Variants in HBP1 observed in about 807,000 individuals in gnomAD.
HBP1 encodes HMG-box transcription factor 1, also known as HMG box-containing protein 1.
HBP1 carries 20 observed loss-of-function variants against 62.6 expected under a neutral mutation model. The ratio of observed to expected loss-of-function variants is 0.32; its 90% CI spans 0.22 to 0.46. The LOEUF is 0.46. Among genes scored for constraint, HBP1 ranks in the 20% least tolerant of loss-of-function variants. The probability of loss-of-function intolerance (pLI) is 1.00; values close to 1 mark genes in which losing one functional copy is unlikely to be tolerated. For missense variants in HBP1, 480 were observed against 611.8 expected (o/e 0.78, Z 2.27); for synonymous variants, 232 against 206.2 (o/e 1.12, Z -1.07).
rs1396507703 is a variant in HBP1, at chr7:107,180,012, A to C, written c.119A>C (p.Asn40Thr). The change falls in exon 2 of 11, where the codon AAT becomes ACT. Residue 40 changes from asparagine (N) to threonine (T), a missense_variant. By Grantham distance (65) the Asn-to-Thr change is moderately conservative. Coordinates refer to ENST00000222574, the MANE Select transcript of HBP1 (RefSeq NM_012257.4). ...DSLELLQCNE[N>T]LPSSPGYNSC... ...TTGGAGTTGCTGCAGTGTAATGAGA[A>C]TTTGCCATCTTCACCTGGATATAAC... 5 of 1,609,110 alleles carry C rather than the reference A, an allele frequency of 3.1e-6. No individual in the cohort carries two copies. Among genetic ancestry groups the C allele is most frequent in the Non-Finnish European group, 4.3e-6 (5 of 1,175,994 alleles).
At chr7:107,171,410 G>T (rs1036221323) in intron 1 of HBP1, among the ~76,000 whole-genome samples, 11 of 151,770 alleles carry the variant, frequency 7.2e-5, no homozygotes, top group Non-Finnish European at 1.6e-4. Flanking sequence ...CTCACTAATC[G>T]AAGTGGCCAG....
intron 10 of HBP1, 47 bp from the exon 11 acceptor site, chr7:107,201,367 A>G (rs745768937): frequency 9.2e-6 from 11 of 1,198,678 alleles, no homozygotes; most frequent in Middle Eastern, 3.8e-4. Flanking sequence ...TAGGATTACT[A>G]TGTATTGATT....
At chr7:107,183,631 G>A (rs986563279) in intron 3 of HBP1, among the ~76,000 whole-genome samples, 1 of 151,308 alleles carries the variant, frequency 6.6e-6, no homozygotes, top group African/African-American at 2.4e-5. Context: ...AAAAAAACCT[G>A]ATTTAACTAT....
At chr7:107,175,316 C>T (rs909664862) in intron 1 of HBP1, among the ~76,000 whole-genome samples, 1 of 152,110 alleles carries the variant, frequency 6.6e-6, no homozygotes, top group Non-Finnish European at 1.5e-5. Flanking sequence ...GAGCATTTTA[C>T]ATGATCTCAC....
chr7:107,201,156 C>T, intron 10 of HBP1: 1 of 344,780 alleles, frequency 2.9e-6, no homozygotes, highest in Non-Finnish European at 5.3e-6. Context: ...TTTGGCAGTT[C>T]TTGGTTAATT....
rs117444817 is a variant in HBP1 at position 107,179,500 on chromosome 7, G to C, written c.-15-379G>C. The C allele has an allele frequency of 2.2e-3, 345 of 157,108 alleles. 2 individuals are homozygous for C. Among genetic ancestry groups the C allele is most frequent in the Non-Finnish European group, 3.4e-3 (240 of 70,620 alleles). The allele number at this position is 157,108 out of a possible 1,614,324, so 9.7% of individuals were successfully genotyped here. On this transcript the variant is annotated intron_variant, in intron 1 of 10. Transcript: ENST00000222574. ...AAAATCTAACACTGTGGCCGGGCGTGGTGGCTCACGCCTGTAATCCCAGCA... is the reference window on the plus strand; with the variant it reads ...AAAATCTAACACTGTGGCCGGGCGTCGTGGCTCACGCCTGTAATCCCAGCA...
At chr7:107,169,593 C>T in intron 1 of HBP1, 1 of 250,822 alleles carries the variant, frequency 4.0e-6, no homozygotes, top group Non-Finnish European at 6.3e-6. Context: ...CGGAGCTTGG[C>T]CAGGGGTGGG....
chr7:107,190,328 A>G lies in HBP1; in HGVS notation c.1067+11A>G, dbSNP rs199713771. The G allele has an allele frequency of 1.3e-6, 2 of 1,581,090 alleles. No homozygotes were observed. Among genetic ancestry groups the G allele is most frequent in the Non-Finnish European group, 1.7e-6 (2 of 1,156,170 alleles). ...TGATACATTTAAAAGGTAATATTGG[A>G]TTAATTCTTTGTTTTATTTTCCTCT... On this transcript the variant is annotated intron_variant, in intron 8 of 10. Coordinates refer to ENST00000222574, the MANE Select transcript of HBP1 (RefSeq NM_012257.4).
At chr7:107,181,298 C>G (rs1417345509) in intron 2 of HBP1, among the ~76,000 whole-genome samples, 24 of 152,014 alleles carry the variant, frequency 1.6e-4, no homozygotes, top group Admixed American at 1.6e-3. Flanking sequence ...GAGATATCAT[C>G]TCTACAAAAA....
chr7:107,171,073 A>ATATATATATTTTT lies in HBP1; in HGVS notation c.-16+1889_-16+1890insATATATATTTTTT. On this transcript the variant is annotated intron_variant, in intron 1 of 10. Transcript: ENST00000222574. ...TATATATATATATATATATATATAT[A>ATATATATATTTTT]TTTTTTTTTTTTTTTGAGAGGGAGT... Among the ~76,000 whole-genome samples the ATATATATATTTTT allele has an allele frequency of 5.7e-5, 5 of 87,200 alleles. 1 individual carries two copies. Among genetic ancestry groups the ATATATATATTTTT allele is most frequent in the Admixed American group, 2.9e-4 (2 of 6,854 alleles). 57.2% of individuals were successfully genotyped at this position (87,200 alleles called of 152,430 possible). A position where few individuals can be genotyped will look rare whatever the true frequency, so the allele number is the denominator to read the frequency against.
At chr7:107,196,348 A>C (rs1174067598) in intron 9 of HBP1, 197 bp downstream of exon 9, 5 of 597,104 alleles carry the variant, frequency 8.4e-6, no homozygotes, top group Middle Eastern at 4.2e-4. Flanking sequence ...AGCTCACTGC[A>C]ACCTCCGCCT....
At position 107,200,151 on chromosome 7, in the gene HBP1, A is replaced by G. The variant is rs1423330583; in HGVS notation, c.1386-9A>G. ...TGCTTTCAGCATTGTGTAAATATTT[A>G]TTTTACAGAGCCATAAGTGTGATCC... On this transcript the variant is annotated splice_polypyrimidine_tract_variant and intron_variant, in intron 9 of 10. Coordinates refer to ENST00000222574, the MANE Select transcript of HBP1 (RefSeq NM_012257.4). 1.3e-6 allele frequency: 2 copies of G among 1,564,896 alleles called. No homozygotes were observed. The highest frequency in any genetic ancestry group is 3.9e-5 in the Admixed American group (2 of 51,142).
In HBP1 at chr7:107,201,677, C is replaced by T; in HGVS notation, c.*246C>T. On this transcript the variant is annotated 3_prime_UTR_variant, in exon 11 of 11. Transcript: ENST00000222574. ...TTTTTCTTCCAAACTTCATATATGT[C>T]TATCAGGTAATAATAGGCTTGAAAA... 1 of 387,304 alleles carries T rather than the reference C, an allele frequency of 2.6e-6. No homozygotes were observed. Among genetic ancestry groups the T allele is most frequent in the Non-Finnish European group, 4.6e-6 (1 of 215,710 alleles). 24.0% of individuals were successfully genotyped at this position (387,304 alleles called of 1,614,324 possible).
intron 1 of HBP1, chr7:107,174,594 G>A (rs990925275): frequency 3.0e-6 from 3 of 985,468 alleles, no homozygotes; most frequent in African/African-American, 3.5e-5. Context: ...TGGAAAGAAT[G>A]AGGAAACCAA....
At chr7:107,186,971 G>C (rs1257454163) in intron 6 of HBP1, among the ~76,000 whole-genome samples, 1 of 152,178 alleles carries the variant, frequency 6.6e-6, no homozygotes, top group Non-Finnish European at 1.5e-5. Flanking sequence ...TATGTAATGA[G>C]GTCGGGCGCA....
At position 107,191,079 on chromosome 7, in the gene HBP1, G is replaced by C. The variant is rs1018572099; in HGVS notation, c.1067+762G>C. Among the ~76,000 whole-genome samples the C allele has an allele frequency of 2.2e-4, 34 of 152,268 alleles. 1 individual carries two copies. Among genetic ancestry groups the C allele is most frequent in the African/African-American group, 7.7e-4 (32 of 41,552 alleles). On this transcript the variant is annotated intron_variant, in intron 8 of 10. Coordinates refer to ENST00000222574, the MANE Select transcript of HBP1 (RefSeq NM_012257.4). ...ATTTAAAGACTCATTCTTTCTTTAAGATAATTATCAAATCCATAGGCATGT... is the reference window on the plus strand; with the variant it reads ...ATTTAAAGACTCATTCTTTCTTTAACATAATTATCAAATCCATAGGCATGT...
intron 7 of HBP1, chr7:107,189,766 TG>T (rs1256630444): frequency 4.2e-6 from 1 of 238,418 alleles, no homozygotes; most frequent in Non-Finnish European, 8.1e-6. Flanking sequence ...TTACCAAATA[TG>T]ATATAAACCT....
At position 107,176,788 on chromosome 7, in the gene HBP1, T is replaced by G. The variant is rs148388880; in HGVS notation, c.-15-3091T>G. Among the ~76,000 whole-genome samples, 102 of 152,036 alleles carry G rather than the reference T, an allele frequency of 6.7e-4. 2 individuals carry two copies. The East Asian group carries it at 0.018, about 26-fold the overall frequency. On this transcript the variant is annotated intron_variant, in intron 1 of 10. Transcript: ENST00000222574. The stretch of plus-strand genomic sequence containing the variant: ...AAATAGATTTGTGTTACACATTTTC[T>G]CTAGTCGCTAGTTCTGTGGGGGAAA...
At chr7:107,181,459 A>T (rs1457432643) in intron 2 of HBP1, among the ~76,000 whole-genome samples, 1 of 151,996 alleles carries the variant, frequency 6.6e-6, no homozygotes, top group Non-Finnish European at 1.5e-5. Context: ...GCAACAGAGT[A>T]AGACCCTATC....
Sources: allele counts gnomAD v4.1 joint callset (sites outside exome capture counted in the v4.1 genomes callset), GRCh38; gene constraint gnomAD v4.1.1; transcripts MANE v1.5; gene names NCBI Gene and HGNC (gene_info 2026-07-23, HGNC 2026-07-21).